Variants in PRKX observed in about 807,000 individuals in gnomAD.
The protein encoded by PRKX is protein kinase cAMP-dependent X-linked catalytic subunit.
A neutral mutation model predicts 22.0 loss-of-function variants in PRKX; 12 were observed. That is an observed-to-expected ratio of 0.54 (90% CI 0.35 to 0.88). The LOEUF is 0.88. Among genes scored for constraint, PRKX ranks in the 40% least tolerant of loss-of-function variants. PRKX has a pLI of 0.01. For missense variants in PRKX, 217 were observed against 308.0 expected (o/e 0.70, Z 2.21); for synonymous variants, 134 against 137.7 (o/e 0.97, Z 0.19).
At chrX:3,626,158 T>G (rs1245497797) in intron 5 of PRKX, among the ~76,000 whole-genome samples, 1 of 112,270 alleles carries the variant, frequency 8.9e-6, no homozygotes, top group Non-Finnish European at 1.9e-5. Flanking sequence ...GATGACAAAC[T>G]CGTTCATTGG....
Position 3,697,547 on chromosome X carries a change from T to C in PRKX, c.166+15541A>G, listed in dbSNP as rs747061662. On this transcript the variant is annotated intron_variant, in intron 1 of 8. Transcript: ENST00000262848. ...TTTTCATTAATCACAATGTCCTTTT[T>C]TTTTTCTTTTTTTTTTAAGATGCGG... Among the ~76,000 whole-genome samples, 46 of 109,891 alleles carry C rather than the reference T, an allele frequency of 4.2e-4. 1 individual carries two copies. Among genetic ancestry groups the C allele is most frequent in the African/African-American group, 1.5e-3 (45 of 30,047 alleles).
chrX:3,664,167 C>T (rs746415342), intron 2 of PRKX, among the ~76,000 whole-genome samples: 42 of 112,016 alleles, frequency 3.7e-4, no homozygotes, highest in Non-Finnish European at 7.3e-4. Flanking sequence ...TGGAAGACCT[C>T]CTCCGCACCA....
At chrX:3,654,647 A>T (rs781218163) in intron 3 of PRKX, among the ~76,000 whole-genome samples, 1 of 106,579 alleles carries the variant, frequency 9.4e-6, no homozygotes, top group African/African-American at 3.4e-5. Context: ...ACTTTTTTTT[A>T]AATATATATA....
chrX:3,698,507 T>TTTG lies in PRKX; in HGVS notation c.166+14578_166+14580dup, dbSNP rs777942582. On this transcript the variant is annotated intron_variant, in intron 1 of 8. Transcript: ENST00000262848. ...CAGAAAAAGAAGTAGGTTTTCACTTTTTGTTGTTGTTGTTGTTGTTTTGTT... is the reference window on the plus strand; with the variant it reads ...CAGAAAAAGAAGTAGGTTTTCACTTTTTGTTGTTGTTGTTGTTGTTGTTTTGTT... Among the ~76,000 whole-genome samples the TTTG allele has an allele frequency of 6.4e-5, 7 of 109,836 alleles. No individual in the cohort carries two copies. The East Asian group carries it at 1.1e-3, about 18-fold the overall frequency.
chrX:3,664,265 G>A (rs1457080402), intron 2 of PRKX, among the ~76,000 whole-genome samples: 1 of 111,745 alleles, frequency 8.9e-6, no homozygotes, highest in African/African-American at 3.3e-5. Context: ...ATAGGGTCTC[G>A]CTCTGTTGTT....
chrX:3,662,563 C>T (rs1402990089), intron 2 of PRKX, among the ~76,000 whole-genome samples: 4 of 107,816 alleles, frequency 3.7e-5, no homozygotes, highest in African/African-American at 1.0e-4. Flanking sequence ...GATGTGGTGG[C>T]GGGCGCCTGT....
rs1926179236 is a variant in PRKX, at chrX:3,606,582, C to T, written c.*2387G>A. 2 of 111,505 alleles carry T rather than the reference C, an allele frequency of 1.8e-5. No individual in the cohort carries two copies. The highest frequency in any genetic ancestry group is 9.5e-5 in the Admixed American group (1 of 10,513). The allele number at this position is 111,505 out of a possible 1,213,427, so 9.2% of individuals were successfully genotyped here. On this transcript the variant is annotated 3_prime_UTR_variant, in exon 9 of 9. Coordinates refer to ENST00000262848, the MANE Select transcript of PRKX (RefSeq NM_005044.5). The stretch of plus-strand genomic sequence containing the variant: ...AGAGATGGGGGTTTTGCCATGTTGG[C>T]CAGGCTGGTCTCGAACTCCTGACCT...
chrX:3,701,103 TCTTTTTTTC>T (rs1300582088), intron 1 of PRKX, among the ~76,000 whole-genome samples: 3 of 83,786 alleles, frequency 3.6e-5, no homozygotes, highest in South Asian at 4.9e-4. Flanking sequence ...TATTTCCTTT[TCTTTTTTTC>T]CTTTTCTTTC....
At chrX:3,694,743 G>A (rs1928411652) in intron 1 of PRKX, among the ~76,000 whole-genome samples, 1 of 110,944 alleles carries the variant, frequency 9.0e-6, no homozygotes. Context: ...GGAAAAGGGT[G>A]GGCCCTAAAT....
intron 1 of PRKX, among the ~76,000 whole-genome samples, chrX:3,694,197 G>A (rs1439116607): frequency 3.7e-5 from 4 of 107,865 alleles, no homozygotes; most frequent in African/African-American, 1.4e-4. Context: ...GACCAGCCTG[G>A]CCAACATGGT....
intron 5 of PRKX, among the ~76,000 whole-genome samples, chrX:3,625,666 G>T (rs968288863): frequency 5.4e-5 from 6 of 110,719 alleles, no homozygotes; most frequent in African/African-American, 1.6e-4. Flanking sequence ...CCGCCTCCTG[G>T]GTTCAAGCGA....
At chrX:3,636,943 G>A (rs1394997869) in intron 4 of PRKX, among the ~76,000 whole-genome samples, 1 of 104,394 alleles carries the variant, frequency 9.6e-6, no homozygotes, top group Non-Finnish European at 2.0e-5. Flanking sequence ...AAAGGAAGAA[G>A]GAAAGGAAAT....
At chrX:3,702,983 A>G (rs1465090257) in intron 1 of PRKX, among the ~76,000 whole-genome samples, 4 of 109,120 alleles carry the variant, frequency 3.7e-5, no homozygotes, top group Admixed American at 2.9e-4. Context: ...CGTGTGAGCC[A>G]AAGCCCAGCC....
At chrX:3,655,463 G>A in intron 2 of PRKX, 51 bp from the exon 3 acceptor site, 2 of 1,197,146 alleles carry the variant, frequency 1.7e-6, no homozygotes, top group South Asian at 3.6e-5. Flanking sequence ...CAGGGCAGGG[G>A]GTACGCCGTC....
chrX:3,712,770 G>A (rs946062362), intron 1 of PRKX, among the ~76,000 whole-genome samples: 1 of 112,851 alleles, frequency 8.9e-6, no homozygotes, highest in Non-Finnish European at 1.9e-5. Context: ...CCCGCAGGAG[G>A]TTTTGTGACG....
At chrX:3,630,385 C>T (rs1926748751) in intron 4 of PRKX, among the ~76,000 whole-genome samples, 1 of 109,169 alleles carries the variant, frequency 9.2e-6, no homozygotes, top group Non-Finnish European at 1.9e-5. Flanking sequence ...ACAGTGAAAC[C>T]CTGTCTCTAC....
At chrX:3,708,030 A>G (rs1928717957) in intron 1 of PRKX, among the ~76,000 whole-genome samples, 1 of 111,936 alleles carries the variant, frequency 8.9e-6, no homozygotes, top group African/African-American at 3.2e-5. Flanking sequence ...CCGTGGACTC[A>G]ATGTCTGTGT....
In PRKX at chrX:3,612,054, G is replaced by A. The variant is rs369956071; in HGVS notation, c.*23+123C>T. On this transcript the variant is annotated intron_variant, in intron 8 of 8. Coordinates refer to ENST00000262848, the MANE Select transcript of PRKX (RefSeq NM_005044.5). ...CTGACCCTTGCAATCAATCCCCTTT[G>A]CTCTGCTTCACTGCTGACCTCTGTG... The A allele has an allele frequency of 6.6e-6, 4 of 609,610 alleles. No individual in the cohort carries two copies. The East Asian group carries it at 1.5e-4, about 23-fold the overall frequency. The allele number at this position is 609,610 out of a possible 1,213,427, so 50.2% of individuals were successfully genotyped here.
intron 6 of PRKX, among the ~76,000 whole-genome samples, chrX:3,618,796 G>T (rs1292393443): frequency 9.0e-6 from 1 of 110,889 alleles, no homozygotes; most frequent in Non-Finnish European, 1.9e-5. Context: ...TGGTCACTAC[G>T]CCATTCCCAG....
Sources: allele counts gnomAD v4.1 joint callset (sites outside exome capture counted in the v4.1 genomes callset), GRCh38; gene constraint gnomAD v4.1.1; transcripts MANE v1.5; gene names NCBI Gene and HGNC (gene_info 2026-07-23, HGNC 2026-07-21).